Variants in DNAJC12 observed in about 807,000 individuals in gnomAD.
DNAJC12 encodes the protein dnaJ homolog subfamily C member 12.
In DNAJC12, 25 loss-of-function variants were observed where a neutral mutation model predicts 28.5. The ratio of observed to expected loss-of-function variants is 0.88; its 90% CI spans 0.64 to 1.22. The LOEUF (loss-of-function observed/expected upper bound fraction) is 1.22, where lower values mean the gene tolerates loss of function less well. Ranked by LOEUF, DNAJC12 falls within the 50% of genes most tolerant of loss-of-function variation. The probability of loss-of-function intolerance (pLI) is 0.00; values close to 1 mark genes in which losing one functional copy is unlikely to be tolerated. For missense variants in DNAJC12, 222 were observed against 231.7 expected (o/e 0.96, Z 0.27); for synonymous variants, 77 against 80.6 (o/e 0.95, Z 0.24).
chr10:67,797,564 G>T (rs867229664), intron 4 of DNAJC12, among the ~76,000 whole-genome samples: 1 of 152,068 alleles, frequency 6.6e-6, no homozygotes, highest in Non-Finnish European at 1.5e-5. Flanking sequence ...AATGGCAAAA[G>T]GATCGCTTGA....
chr10:67,824,478 T>C (rs894656606), intron 1 of DNAJC12, among the ~76,000 whole-genome samples: 5 of 151,880 alleles, frequency 3.3e-5, no homozygotes, highest in Non-Finnish European at 7.4e-5. Flanking sequence ...AATTCAAACC[T>C]GATAATTTTG....
chr10:67,809,794 A>C (rs1000174330), intron 3 of DNAJC12, among the ~76,000 whole-genome samples: 2 of 152,212 alleles, frequency 1.3e-5, no homozygotes, highest in Non-Finnish European at 2.9e-5. Context: ...CTACGGATAC[A>C]CAAAAGCATA....
At chr10:67,836,011 T>A (rs994979150) in intron 1 of DNAJC12, among the ~76,000 whole-genome samples, 1 of 152,136 alleles carries the variant, frequency 6.6e-6, no homozygotes, top group Non-Finnish European at 1.5e-5. Flanking sequence ...AGACTGACTA[T>A]GCAGCCATAA....
intron 2 of DNAJC12, among the ~76,000 whole-genome samples, chr10:67,819,686 GAAAGAAAGA>G (rs1564863190): frequency 0.067 from 982 of 14,590 alleles, 58 homozygotes; most frequent in Non-Finnish European, 0.084. Flanking sequence ...AAGAAAGAAA[GAAAGAAAGA>G]AAGGAAGGAA....
intron 1 of DNAJC12, among the ~76,000 whole-genome samples, chr10:67,829,739 A>C (rs1350992980): frequency 6.6e-6 from 1 of 152,208 alleles, no homozygotes; most frequent in Non-Finnish European, 1.5e-5. Context: ...TTTAATTCTT[A>C]CAACCTATAT....
chr10:67,837,412 G>A (rs532893892), intron 1 of DNAJC12, among the ~76,000 whole-genome samples: 4 of 152,052 alleles, frequency 2.6e-5, no homozygotes, highest in African/African-American at 9.7e-5. Context: ...TGTTTCAGAA[G>A]CCACCCTTTC....
intron 2 of DNAJC12, among the ~76,000 whole-genome samples, chr10:67,816,718 TG>T (rs1170201829): frequency 6.6e-6 from 1 of 152,108 alleles, no homozygotes; most frequent in African/African-American, 2.4e-5. Context: ...GCTAATTTTT[TG>T]TACTTTTAGT....
At chr10:67,813,612 G>C (rs1841884404) in intron 2 of DNAJC12, among the ~76,000 whole-genome samples, 2 of 149,714 alleles carry the variant, frequency 1.3e-5, no homozygotes, top group African/African-American at 2.5e-5. Flanking sequence ...AAAAAAATTA[G>C]TTGGGTGTGG....
chr10:67,815,912 T>C (rs1054544254), intron 2 of DNAJC12: 7 of 394,236 alleles, frequency 1.8e-5, no homozygotes, highest in Non-Finnish European at 3.1e-5. Flanking sequence ...AGAAACCTTA[T>C]CTTTCCTATA....
chr10:67,816,188 C>A, intron 2 of DNAJC12: 1 of 397,408 alleles, frequency 2.5e-6, no homozygotes, highest in Non-Finnish European at 4.4e-6. Context: ...ATTTGTATTA[C>A]AACAGTCACA....
At chr10:67,827,876 T>C (rs1842052922) in intron 1 of DNAJC12, among the ~76,000 whole-genome samples, 1 of 152,222 alleles carries the variant, frequency 6.6e-6, no homozygotes. Context: ...TTTACTATCA[T>C]GAAGTTTATT....
chr10:67,832,114 A>C (rs1370289625), intron 1 of DNAJC12, among the ~76,000 whole-genome samples: 1 of 152,114 alleles, frequency 6.6e-6, no homozygotes, highest in African/African-American at 2.4e-5. Flanking sequence ...AAATACAAAA[A>C]ATTAGCTGGG....
chr10:67,833,595 G>C (rs1189530429), intron 1 of DNAJC12, among the ~76,000 whole-genome samples: 1 of 152,078 alleles, frequency 6.6e-6, no homozygotes, highest in Non-Finnish European at 1.5e-5. Flanking sequence ...ATGTTTGCTG[G>C]ACCATGGTAG....
At chr10:67,819,728 AAGG>A (rs1564863362) in intron 2 of DNAJC12, among the ~76,000 whole-genome samples, 24 of 19,538 alleles carry the variant, frequency 1.2e-3, no homozygotes, top group African/African-American at 4.5e-3. Context: ...GCAAGGAAGG[AAGG>A]AAGGAAGGAA....
intron 2 of DNAJC12, among the ~76,000 whole-genome samples, chr10:67,820,542 C>T (rs1252840571): frequency 6.6e-6 from 1 of 152,056 alleles, no homozygotes; most frequent in African/African-American, 2.4e-5. Flanking sequence ...CCTGGATATA[C>T]ATATGCACAA....
At chr10:67,809,830 T>C (rs568625721) in intron 3 of DNAJC12, among the ~76,000 whole-genome samples, 2 of 152,070 alleles carry the variant, frequency 1.3e-5, no homozygotes, top group Admixed American at 1.3e-4. Context: ...TAATGGACTT[T>C]GGAGACTCAA....
intron 2 of DNAJC12, among the ~76,000 whole-genome samples, chr10:67,815,524 AAAAG>A (rs1841907093): frequency 6.7e-6 from 1 of 150,272 alleles, no homozygotes; most frequent in African/African-American, 2.4e-5. Flanking sequence ...AAAAAAAAAA[AAAAG>A]AAAAGAAAAA....
chr10:67,797,917 G>A (rs974663162), intron 4 of DNAJC12, among the ~76,000 whole-genome samples: 11 of 152,016 alleles, frequency 7.2e-5, no homozygotes, highest in African/African-American at 2.7e-4. Context: ...GCGGGCGCCT[G>A]TACTCCCAGC....
chr10:67,835,970 T>C (rs941953275), intron 1 of DNAJC12, among the ~76,000 whole-genome samples: 3 of 152,148 alleles, frequency 2.0e-5, no homozygotes, highest in African/African-American at 7.2e-5. Context: ...TCCTTCTATG[T>C]AGATTGAAAA....
Sources: gnomAD v4.1 joint callset for allele counts (sites outside exome capture counted in the v4.1 genomes callset) on GRCh38, gnomAD v4.1.1 for gene constraint, MANE v1.5 for transcripts, NCBI Gene and HGNC (gene_info 2026-07-23, HGNC 2026-07-21) for gene names.